ARHGEF26: variants seen among roughly 807,000 people sequenced by gnomAD.
The protein encoded by ARHGEF26 is Rho guanine nucleotide exchange factor (GEF) 26.
In ARHGEF26, 59 loss-of-function variants were observed where a neutral mutation model predicts 89.4. That is an observed-to-expected ratio of 0.66 (90% CI 0.54 to 0.82). The LOEUF (loss-of-function observed/expected upper bound fraction) is 0.82. Among genes scored for constraint, ARHGEF26 ranks in the 40% least tolerant of loss-of-function variants. The pLI is 0.00. For synonymous variants in ARHGEF26, 500 were observed against 428.4 expected (o/e 1.17, Z -2.06); for missense variants, 1,234 against 1,085.6 (o/e 1.14, Z -1.92).
chr3:154,178,680 C>T (rs1378647720), intron 6 of ARHGEF26, among the ~76,000 whole-genome samples: 1 of 152,090 alleles, frequency 6.6e-6, no homozygotes, highest in Non-Finnish European at 1.5e-5. Context: ...AATTATGCTG[C>T]TATGAACATT....
intron 6 of ARHGEF26, among the ~76,000 whole-genome samples, chr3:154,161,101 T>TGG (rs1711634606): frequency 6.4e-3 from 7 of 1,088 alleles, no homozygotes; most frequent in East Asian, 0.1. Context: ...TAGCCAGGTT[T>TGG]GTGTGTGTGT....
At chr3:154,155,781 A>G (rs1182491574) in intron 6 of ARHGEF26, among the ~76,000 whole-genome samples, 1 of 151,898 alleles carries the variant, frequency 6.6e-6, no homozygotes, top group Non-Finnish European at 1.5e-5. Flanking sequence ...GTTAGTAGGC[A>G]TGTAAAGATC....
At chr3:154,143,124 G>T (rs754788879) in intron 4 of ARHGEF26, among the ~76,000 whole-genome samples, 57 of 152,172 alleles carry the variant, frequency 3.7e-4, no homozygotes, top group Non-Finnish European at 6.0e-4. Context: ...TTTGTTATTC[G>T]AAGTGTTGCT....
At chr3:154,239,261 G>GGGAGA (rs1717314182) in intron 11 of ARHGEF26, among the ~76,000 whole-genome samples, 6 of 105,580 alleles carry the variant, frequency 5.7e-5, no homozygotes, top group African/African-American at 2.5e-4. Context: ...AGAGAGAGAG[G>GGGAGA]GAGAGAGAGA....
intron 9 of ARHGEF26, among the ~76,000 whole-genome samples, chr3:154,215,429 C>T (rs1021660541): frequency 3.3e-5 from 5 of 151,602 alleles, no homozygotes; most frequent in East Asian, 3.9e-4. Flanking sequence ...TCTGCCCTTC[C>T]GTGAGGTTAG....
chr3:154,143,926 A>G (rs769063732), intron 4 of ARHGEF26, among the ~76,000 whole-genome samples: 8 of 152,192 alleles, frequency 5.3e-5, no homozygotes, highest in Non-Finnish European at 1.0e-4. Flanking sequence ...TGGGGGATAG[A>G]GAATACATAA....
intron 12 of ARHGEF26, among the ~76,000 whole-genome samples, chr3:154,250,545 T>G (rs1718078452): frequency 6.6e-6 from 1 of 152,194 alleles, no homozygotes; most frequent in South Asian, 2.1e-4. Context: ...AAGTGAAAGA[T>G]TTCATCTGGA....
intron 9 of ARHGEF26, among the ~76,000 whole-genome samples, chr3:154,213,972 C>T (rs1231609137): frequency 6.6e-6 from 1 of 152,024 alleles, no homozygotes; most frequent in Non-Finnish European, 1.5e-5. Context: ...AGAGGTAGTG[C>T]CCACATTGAG....
intron 11 of ARHGEF26, among the ~76,000 whole-genome samples, chr3:154,235,723 T>C (rs2108275289): frequency 6.6e-6 from 1 of 152,286 alleles, no homozygotes; most frequent in South Asian, 2.1e-4. Flanking sequence ...CAGATACTTT[T>C]TGCCGTATTA....
intron 11 of ARHGEF26, among the ~76,000 whole-genome samples, chr3:154,237,891 G>C (rs1334620424): frequency 6.6e-6 from 1 of 152,132 alleles, no homozygotes; most frequent in African/African-American, 2.4e-5. Flanking sequence ...TTTTTAACTT[G>C]TAAATTGGAC....
At chr3:154,244,613 C>T (rs750204669) in intron 12 of ARHGEF26, among the ~76,000 whole-genome samples, 5 of 151,802 alleles carry the variant, frequency 3.3e-5, no homozygotes, top group Non-Finnish European at 5.9e-5. Context: ...AAAAGGTCCT[C>T]GTTTATACAA....
intron 9 of ARHGEF26, among the ~76,000 whole-genome samples, chr3:154,209,799 A>T (rs1186750238): frequency 3.3e-5 from 5 of 152,170 alleles, no homozygotes; most frequent in South Asian, 2.1e-4. Context: ...CAGTCAGTCG[A>T]CGGCAAAGCC....
rs991180163 is a variant in ARHGEF26, at chr3:154,175,348, T to C, written c.1488-12337T>C. Among the ~76,000 whole-genome samples, 15 of 152,190 alleles carry C rather than the reference T, an allele frequency of 9.9e-5. 2 individuals are homozygous for C. The highest frequency in any genetic ancestry group is 5.9e-4 in the Admixed American group (9 of 15,274). On this transcript the variant is annotated intron_variant, in intron 6 of 14. Transcript: ENST00000465093. Reference sequence around the variant, plus strand: ...GAGGGCGGGCATTGTGGTAACTCTTTTTACCTTTTCATATGTTCATTAACT... The same window carrying C: ...GAGGGCGGGCATTGTGGTAACTCTTCTTACCTTTTCATATGTTCATTAACT...
chr3:154,172,607 T>A (rs1712520640), intron 6 of ARHGEF26, among the ~76,000 whole-genome samples: 1 of 152,134 alleles, frequency 6.6e-6, no homozygotes, highest in Non-Finnish European at 1.5e-5. Flanking sequence ...GACATGAGAA[T>A]TGCTTGAACC....
At chr3:154,243,126 C>T (rs1717575361) in intron 12 of ARHGEF26, among the ~76,000 whole-genome samples, 1 of 152,112 alleles carries the variant, frequency 6.6e-6, no homozygotes, top group African/African-American at 2.4e-5. Flanking sequence ...GGGGAAACTT[C>T]TCCTCAAAAC....
chr3:154,157,123 C>T (rs569751781), intron 6 of ARHGEF26, among the ~76,000 whole-genome samples: 7 of 152,046 alleles, frequency 4.6e-5, no homozygotes, highest in South Asian at 2.1e-4. Flanking sequence ...TGTGTGTGTA[C>T]GTATGTATCA....
At position 154,198,852 on chromosome 3, in the gene ARHGEF26, C is replaced by T. The variant is rs1714449820; in HGVS notation, c.1845+4134C>T. ...AACTTCTCCATGGAATCAAAAACTA[C>T]CTGCTCCCTGAAAAGTATTGAAATA... On this transcript the variant is annotated intron_variant, in intron 9 of 14. Coordinates refer to ENST00000465093, the MANE Select transcript of ARHGEF26 (RefSeq NM_015595.4). 2.0e-5 allele frequency among the ~76,000 whole-genome samples: 3 copies of T among 152,018 alleles called. 1 individual carries two copies. Among genetic ancestry groups the T allele is most frequent in the South Asian group, 2.1e-4 (1 of 4,816 alleles).
At position 154,231,512 on chromosome 3, in the gene ARHGEF26, G is replaced by A. The variant is rs117281928; in HGVS notation, c.2090+5502G>A. Among the ~76,000 whole-genome samples, 19 of 152,156 alleles carry A rather than the reference G, an allele frequency of 1.2e-4. No individual in the cohort carries two copies. The East Asian group carries it at 3.1e-3, about 25-fold the overall frequency. ...AATTAAATGAGATAATGCACATAAA[G>A]CTCTTACTACAGTGAATATGAATAG... is the stretch of plus-strand genomic sequence containing the variant. On this transcript the variant is annotated intron_variant, in intron 11 of 14. Coordinates refer to ENST00000465093, the MANE Select transcript of ARHGEF26 (RefSeq NM_015595.4).
At chr3:154,188,486 CTGTG>C (rs1474311971) in intron 7 of ARHGEF26, among the ~76,000 whole-genome samples, 1 of 152,234 alleles carries the variant, frequency 6.6e-6, no homozygotes, top group Non-Finnish European at 1.5e-5. Flanking sequence ...CATATGCCAT[CTGTG>C]TCCTTAAAAG....
Sources: allele counts gnomAD v4.1 joint callset (sites outside exome capture counted in the v4.1 genomes callset), GRCh38; gene constraint gnomAD v4.1.1; transcripts MANE v1.5; gene names NCBI Gene and HGNC (gene_info 2026-07-23, HGNC 2026-07-21).